Variants in FGL1 observed in about 807,000 individuals in gnomAD.
The protein encoded by FGL1 is fibrinogen like 1, also known as fibrinogen-like protein 1.
Under a neutral mutation model 43.7 loss-of-function variants are expected in FGL1, and 59 were observed. That is an observed-to-expected ratio of 1.35 (90% CI 1.10 to 1.68). FGL1 has a LOEUF of 1.68. FGL1 is among the 40% of genes most tolerant of loss of function. The pLI, the probability that FGL1 is intolerant of heterozygous loss-of-function variation, is 0.00. For missense variants in FGL1, 596 were observed against 373.0 expected (o/e 1.60, Z -4.92); for synonymous variants, 192 against 126.5 (o/e 1.52, Z -3.48).
At chr8:17,889,413 G>T (rs1175283009) in intron 1 of FGL1, among the ~76,000 whole-genome samples, 2 of 152,066 alleles carry the variant, frequency 1.3e-5, no homozygotes, top group African/African-American at 2.4e-5. Context: ...AGCCAGGTGT[G>T]GTGGTGCACA....
intron 2 of FGL1, among the ~76,000 whole-genome samples, chr8:17,884,287 G>A (rs1280034196): frequency 6.6e-6 from 1 of 151,930 alleles, no homozygotes; most frequent in Non-Finnish European, 1.5e-5. Context: ...TGCCTCTCTG[G>A]TTCAAGCGAT....
intron 2 of FGL1, among the ~76,000 whole-genome samples, chr8:17,883,954 C>T (rs2053590001): frequency 4.4e-5 from 6 of 136,630 alleles, no homozygotes; most frequent in Non-Finnish European, 3.2e-5. Flanking sequence ...TTCCTTCCTT[C>T]CTTTCTTTTC....
intron 5 of FGL1, among the ~76,000 whole-genome samples, chr8:17,871,053 T>A (rs1377551385): frequency 6.6e-6 from 1 of 151,790 alleles, no homozygotes; most frequent in Non-Finnish European, 1.5e-5. Flanking sequence ...CTTTAAGAGG[T>A]GATGCGGGCC....
At chr8:17,892,192 A>C (rs1239132528) in intron 1 of FGL1, among the ~76,000 whole-genome samples, 1 of 152,186 alleles carries the variant, frequency 6.6e-6, no homozygotes, top group Non-Finnish European at 1.5e-5. Flanking sequence ...TAAAGGAAAA[A>C]AATAAATGCC....
chr8:17,893,653 T>C (rs1475764608), intron 1 of FGL1, among the ~76,000 whole-genome samples: 1 of 147,008 alleles, frequency 6.8e-6, no homozygotes, highest in African/African-American at 2.7e-5. Flanking sequence ...TAGAAAGTCA[T>C]TATATTACTT....
chr8:17,877,241 A>G (rs7832189), intron 3 of FGL1, among the ~76,000 whole-genome samples: 1 of 151,864 alleles, frequency 6.6e-6, no homozygotes, highest in South Asian at 2.1e-4. Flanking sequence ...TTTTTTTTTT[A>G]AAAAAGAAAA....
intron 7 of FGL1, among the ~76,000 whole-genome samples, chr8:17,867,944 T>C (rs553734647): frequency 6.6e-6 from 1 of 152,176 alleles, no homozygotes; most frequent in South Asian, 2.1e-4. Context: ...CCCAGAAATA[T>C]ATAAAATATT....
chr8:17,865,388 T>C (rs1291021486), intron 7 of FGL1, among the ~76,000 whole-genome samples: 1 of 152,162 alleles, frequency 6.6e-6, no homozygotes, highest in Non-Finnish European at 1.5e-5. Flanking sequence ...TTCATTCCTC[T>C]GCTGCTAAGA....
chr8:17,877,971 T>C (rs1246293659), intron 3 of FGL1, among the ~76,000 whole-genome samples: 3 of 152,210 alleles, frequency 2.0e-5, no homozygotes, highest in African/African-American at 7.2e-5. Flanking sequence ...ATTTTGTTTA[T>C]TTATTTATTT....
At chr8:17,865,564 T>C (rs2053258736) in intron 7 of FGL1, among the ~76,000 whole-genome samples, 1 of 152,214 alleles carries the variant, frequency 6.6e-6, no homozygotes, top group African/African-American at 2.4e-5. Context: ...ATTTTTTACA[T>C]ATATTGCACC....
intron 1 of FGL1, among the ~76,000 whole-genome samples, chr8:17,889,465 A>C (rs918418569): frequency 3.3e-5 from 5 of 152,126 alleles, no homozygotes; most frequent in African/African-American, 1.2e-4. Flanking sequence ...CATGAGAATC[A>C]CTTGAACCTG....
intron 7 of FGL1, among the ~76,000 whole-genome samples, chr8:17,867,610 G>A (rs1003102720): frequency 5.3e-5 from 8 of 152,118 alleles, no homozygotes; most frequent in South Asian, 2.1e-4. Context: ...AGCATGATTC[G>A]AACACGAGCA....
At chr8:17,873,670 A>ATG (rs1448375989) in intron 5 of FGL1, among the ~76,000 whole-genome samples, 1 of 144,254 alleles carries the variant, frequency 6.9e-6, no homozygotes, top group Non-Finnish European at 1.5e-5. Context: ...ATATATATAT[A>ATG]TTCTATATAT....
Position 17,864,407 on chromosome 8 carries a change from T to G in FGL1, c.*185A>C. ...CAATAAATATTAACACAGTCTACAT[T>G]TATTTGGTGAATATTGCATATCTGC... On this transcript the variant is annotated 3_prime_UTR_variant, in exon 8 of 8. Coordinates refer to ENST00000427924, the MANE Select transcript of FGL1 (RefSeq NM_004467.4). The G allele has an allele frequency of 1.8e-6, 1 of 565,236 alleles. No homozygotes were observed. Among genetic ancestry groups the G allele is most frequent in the Non-Finnish European group, 3.0e-6 (1 of 334,350 alleles). 35.0% of individuals were successfully genotyped at this position (565,236 alleles called of 1,614,324 possible).
At chr8:17,884,011 G>C (rs984072935) in intron 2 of FGL1, among the ~76,000 whole-genome samples, 119 of 142,070 alleles carry the variant, frequency 8.4e-4, no homozygotes, top group African/African-American at 3.1e-3. Context: ...ACCTCTCCCA[G>C]CCATTTTTCT....
At chr8:17,870,959 G>GCAGCA (rs3831580) in intron 5 of FGL1, among the ~76,000 whole-genome samples, 1 of 151,408 alleles carries the variant, frequency 6.6e-6, no homozygotes, top group Non-Finnish European at 1.5e-5. Context: ...GCACACACCA[G>GCAGCA]GACGAGAACA....
chr8:17,880,097 C>A (rs767021668), intron 3 of FGL1, among the ~76,000 whole-genome samples: 1 of 152,158 alleles, frequency 6.6e-6, no homozygotes, highest in Non-Finnish European at 1.5e-5. Flanking sequence ...CCGAACTGTC[C>A]CTGGTTCCTC....
rs764055375 is a variant in FGL1 at position 17,874,341 on chromosome 8, C to T, written c.404+21G>A. The T allele has an allele frequency of 2.5e-6, 4 of 1,607,682 alleles. No individual in the cohort carries two copies. In the South Asian group the frequency reaches 4.4e-5, roughly 18 times the overall value. ...TCACATTTGCTGCTACATATAAAGT[C>T]TTACATCATAATTAGCACACCTGTT... On this transcript the variant is annotated intron_variant, in intron 4 of 7. Coordinates refer to ENST00000427924, the MANE Select transcript of FGL1 (RefSeq NM_004467.4).
chr8:17,873,798 T>A (rs1018729171), intron 5 of FGL1, among the ~76,000 whole-genome samples: 2 of 150,934 alleles, frequency 1.3e-5, no homozygotes, highest in Non-Finnish European at 3.0e-5. Flanking sequence ...TAAATATATA[T>A]GTGAAAACAA....
Sources: gnomAD v4.1 joint callset for allele counts (sites outside exome capture counted in the v4.1 genomes callset) on GRCh38, gnomAD v4.1.1 for gene constraint, MANE v1.5 for transcripts, NCBI Gene and HGNC (gene_info 2026-07-23, HGNC 2026-07-21) for gene names.